REXO5: variants seen among roughly 807,000 people sequenced by gnomAD.
REXO5 encodes RNA exonuclease 5, also known as exonuclease NEF-sp.
A neutral mutation model predicts 88.5 loss-of-function variants in REXO5; 48 were observed. That is an observed-to-expected ratio of 0.54 (90% CI 0.43 to 0.69). REXO5 has a LOEUF of 0.69. Ranked by LOEUF, REXO5 falls within the 30% of genes least tolerant of loss-of-function variation. The pLI is 0.00. For synonymous variants in REXO5, 311 were observed against 336.5 expected, an observed-to-expected ratio of 0.92 and a Z score of 0.83; for missense variants, 749 against 912.2, an observed-to-expected ratio of 0.82 and a Z score of 2.30.
At chr16:20,848,199 T>G (rs2081639797) in intron 19 of REXO5, among the ~76,000 whole-genome samples, 1 of 152,154 alleles carries the variant, frequency 6.6e-6, no homozygotes, top group Non-Finnish European at 1.5e-5. Context: ...GCCTTGTTTG[T>G]GCAGTTGTGT....
intron 13 of REXO5, among the ~76,000 whole-genome samples, chr16:20,835,999 G>A (rs1315478238): frequency 3.9e-5 from 6 of 151,940 alleles, no homozygotes; most frequent in African/African-American, 7.3e-5. Flanking sequence ...ACGTATGATC[G>A]CACTACTGCA....
At chr16:20,833,814 T>C (rs571106801) in intron 13 of REXO5, among the ~76,000 whole-genome samples, 13 of 152,344 alleles carry the variant, frequency 8.5e-5, no homozygotes, top group African/African-American at 2.6e-4. Flanking sequence ...AAATATTATT[T>C]TATATAACCA....
At chr16:20,812,663 C>T (rs1431889752) in intron 2 of REXO5, among the ~76,000 whole-genome samples, 2 of 152,204 alleles carry the variant, frequency 1.3e-5, no homozygotes, top group Non-Finnish European at 1.5e-5. Context: ...CTGCTTCCCT[C>T]TCCTCATACC....
Position 20,819,149 on chromosome 16 carries a change from A to AT in REXO5, c.476-2604dup, listed in dbSNP as rs998063860. ...GTATTCCATGGTGTATATGTACCAC[A>AT]TTTTTTTTTATCTGATCTATCATTT... On this transcript the variant is annotated intron_variant, in intron 5 of 19. Coordinates refer to ENST00000261377, the MANE Select transcript of REXO5 (RefSeq NM_030941.3). Among the ~76,000 whole-genome samples, 28 of 151,218 alleles carry AT rather than the reference A, an allele frequency of 1.9e-4. No individual in the cohort carries two copies. The South Asian group carries it at 2.3e-3, about 12-fold the overall frequency.
intron 2 of REXO5, among the ~76,000 whole-genome samples, chr16:20,812,556 C>T (rs2081016241): frequency 6.6e-6 from 1 of 152,072 alleles, no homozygotes; most frequent in Non-Finnish European, 1.5e-5. Flanking sequence ...AAGTTCAAAG[C>T]CTTTTTAAAG....
At position 20,846,308 on chromosome 16, in the gene REXO5, C is replaced by CT. The variant is rs2081606755; in HGVS notation, c.2213dup (p.Cys739LeufsTer52). 3.1e-6 allele frequency: 5 copies of CT among 1,613,990 alleles called. No individual in the cohort carries two copies. In the East Asian group the frequency reaches 1.1e-4, roughly 36 times the overall value. On this transcript the variant is annotated frameshift_variant, in exon 19 of 20. Transcript: ENST00000261377. LOFTEE classifies it high-confidence loss of function. ...CTACAACAGCTTGTGCCCGGGCACTCTCTGCCTCATCCTGCTGCCAGGAAC... is the reference window on the plus strand; with the variant it reads ...CTACAACAGCTTGTGCCCGGGCACTCTTCTGCCTCATCCTGCTGCCAGGAAC...
intron 13 of REXO5, among the ~76,000 whole-genome samples, chr16:20,833,430 G>A (rs138872253): frequency 1.7e-3 from 253 of 152,200 alleles, no homozygotes; most frequent in African/African-American, 5.8e-3. Flanking sequence ...ATATCCTTTC[G>A]ATTTTTTCTT....
In REXO5 at chr16:20,806,711, C is replaced by A. The variant is rs1020888726; in HGVS notation, c.-3+6C>A. On this transcript the variant is annotated splice_donor_region_variant and intron_variant, in intron 1 of 19. Transcript: ENST00000261377. ...GGGGAACCGTTGAGAATCCGGTAAC[C>A]GATGCGGACGGTAAAGCCGTTTGGG... The A allele has an allele frequency of 9.1e-6, 9 of 990,752 alleles. No individual in the cohort carries two copies. The highest frequency in any genetic ancestry group is 3.3e-4 in the Middle Eastern group (1 of 3,050). 61.4% of individuals were successfully genotyped at this position (990,752 alleles called of 1,614,324 possible). A position where few individuals can be genotyped will look rare whatever the true frequency, so the allele number is the denominator to read the frequency against.
chr16:20,820,446 A>G (rs918532558), intron 5 of REXO5, among the ~76,000 whole-genome samples: 2 of 136,072 alleles, frequency 1.5e-5, no homozygotes, highest in African/African-American at 2.7e-5. Context: ...ATTTTCTCCA[A>G]CCCTTTCATA....
At chr16:20,819,965 A>G (rs1380828118) in intron 5 of REXO5, among the ~76,000 whole-genome samples, 1 of 152,062 alleles carries the variant, frequency 6.6e-6, no homozygotes, top group Non-Finnish European at 1.5e-5. Flanking sequence ...TCCGTTGCCT[A>G]GGGTGGTCTC....
intron 15 of REXO5, among the ~76,000 whole-genome samples, chr16:20,843,539 G>T (rs1478533189): frequency 1.3e-5 from 2 of 152,174 alleles, no homozygotes; most frequent in Non-Finnish European, 2.9e-5. Flanking sequence ...GTTACTCCGA[G>T]TTAACAAACA....
chr16:20,807,150 G>A, intron 2 of REXO5, 59 bp downstream of exon 2: 1 of 1,539,400 alleles, frequency 6.5e-7, no homozygotes, highest in Middle Eastern at 2.2e-4. Flanking sequence ...CCGGACCCTC[G>A]CCCAACCGCC....
At chr16:20,829,145 T>C (rs1390922770) in intron 11 of REXO5, among the ~76,000 whole-genome samples, 1 of 152,184 alleles carries the variant, frequency 6.6e-6, no homozygotes, top group Non-Finnish European at 1.5e-5. Context: ...TCTAGGGCAA[T>C]TTCTCTGAAC....
chr16:20,831,313 C>G (rs1342582438), intron 11 of REXO5, among the ~76,000 whole-genome samples: 1 of 152,018 alleles, frequency 6.6e-6, no homozygotes, highest in Non-Finnish European at 1.5e-5. Context: ...AGGACCTCAC[C>G]CCTTGTGAGA....
intron 12 of REXO5, among the ~76,000 whole-genome samples, chr16:20,832,634 C>G (rs984869097): frequency 2.0e-5 from 3 of 152,156 alleles, no homozygotes; most frequent in African/African-American, 2.4e-5. Context: ...GACACACACA[C>G]AGACTCAAAA....
At chr16:20,814,196 T>C (rs1051961368) in intron 3 of REXO5, among the ~76,000 whole-genome samples, 1 of 151,634 alleles carries the variant, frequency 6.6e-6, no homozygotes. Flanking sequence ...AGCATGACTG[T>C]AGTTCAATAG....
intron 11 of REXO5, among the ~76,000 whole-genome samples, 174 bp downstream of exon 11, chr16:20,828,711 C>G (rs918090999): frequency 1.3e-5 from 2 of 151,858 alleles, no homozygotes; most frequent in African/African-American, 4.8e-5. Flanking sequence ...GGCAGATCAC[C>G]AGGTCAGGAG....
intron 1 of REXO5, 56 bp downstream of exon 1, chr16:20,806,761 C>T (rs2080884786): frequency 2.8e-6 from 3 of 1,056,350 alleles, no homozygotes; most frequent in African/African-American, 1.6e-5. Context: ...GTGTCCAGTC[C>T]GCGGAACGGG....
At chr16:20,831,931 A>G (rs565570443) in intron 11 of REXO5, among the ~76,000 whole-genome samples, 1 of 152,352 alleles carries the variant, frequency 6.6e-6, no homozygotes, top group African/African-American at 2.4e-5. Flanking sequence ...CAATGTTAGT[A>G]GCTGATAACA....
Sources: gnomAD v4.1 joint callset for allele counts (sites outside exome capture counted in the v4.1 genomes callset) on GRCh38, gnomAD v4.1.1 for gene constraint, MANE v1.5 for transcripts, NCBI Gene and HGNC (gene_info 2026-07-23, HGNC 2026-07-21) for gene names.